Variants in MORC4 observed in about 807,000 individuals in gnomAD.
MORC4 encodes MORC family CW-type zinc finger 4.
A neutral mutation model predicts 65.5 loss-of-function variants in MORC4; 22 were observed. The ratio of observed to expected loss-of-function variants is 0.34; its 90% CI spans 0.24 to 0.48. MORC4 has a LOEUF of 0.48. Ranked by LOEUF, MORC4 falls within the 20% of genes least tolerant of loss-of-function variation. The probability of loss-of-function intolerance (pLI) is 0.99; values close to 1 mark genes in which losing one functional copy is unlikely to be tolerated. For missense variants in MORC4, 624 were observed against 703.0 expected (o/e 0.89, Z 1.27); for synonymous variants, 267 against 255.8 (o/e 1.04, Z -0.42).
intron 2 of MORC4, among the ~76,000 whole-genome samples, chrX:106,998,321 G>A (rs187444291): frequency 8.0e-5 from 9 of 112,054 alleles, no homozygotes; most frequent in Non-Finnish European, 7.5e-5. Context: ...CATACTGGAC[G>A]TCTTAGATCC....
At chrX:106,954,857 A>G in intron 14 of MORC4, 56 bp downstream of exon 14, 1 of 1,080,999 alleles carries the variant, frequency 9.3e-7, no homozygotes, top group Admixed American at 2.7e-5. Context: ...AACTTACTCT[A>G]CAGGAAAACA....
intron 5 of MORC4, 74 bp downstream of exon 5, chrX:106,985,022 T>C: frequency 1.1e-6 from 1 of 950,312 alleles, no homozygotes; most frequent in Non-Finnish European, 1.4e-6. Context: ...ATTTTAAAAG[T>C]TAAAATTAAA....
intron 14 of MORC4, among the ~76,000 whole-genome samples, chrX:106,943,687 A>T (rs1455617219): frequency 1.8e-5 from 2 of 112,532 alleles, no homozygotes; most frequent in African/African-American, 6.5e-5. Context: ...ACATTTTTTT[A>T]TATTGCAGCA....
At position 106,942,890 on chromosome X, in the gene MORC4, T is replaced by G; in HGVS notation, c.2001A>C (p.Pro667=). ...LLPEELEDQM[P]RLVAEESNRG... ...TGTTAGATTCTTCTGCCACCAATCT[T>G]GGCATCTGATCTTCTAATTCTTCAG... Residue 667 remains proline, a synonymous_variant, in exon 15 of 17, where the codon CCA becomes CCC. Transcript: ENST00000355610. 8.3e-7 allele frequency: 1 copy of G among 1,211,961 alleles called. No homozygotes were observed.
In MORC4 at chrX:106,962,034, A is replaced by C. The variant is rs1161160840; in HGVS notation, c.1234T>G (p.Ser412Ala). Reference sequence around the variant, plus strand: ...TACGGTATTGGCCTGGCTACAGTTGAGGTCTCAAAATTATCTTGAGATGTT... The same window carrying C: ...TACGGTATTGGCCTGGCTACAGTTGCGGTCTCAAAATTATCTTGAGATGTT... Reference protein sequence around the residue: ...EKTSQDNFETSTVARPIPKVP... With the variant: ...EKTSQDNFETATVARPIPKVP... The change falls in exon 10 of 17, where the codon TCA becomes GCA. Residue 412 changes from serine (S) to alanine (A), a missense_variant. By Grantham distance (99) the Ser-to-Ala change is moderately conservative (BLOSUM62 1). Transcript: ENST00000355610. The C allele has an allele frequency of 8.3e-7, 1 of 1,204,843 alleles. No homozygotes were observed. The highest frequency in any genetic ancestry group is 3.0e-5 in the East Asian group (1 of 33,745).
chrX:106,948,216 A>T (rs188094194), intron 14 of MORC4, among the ~76,000 whole-genome samples: 13 of 111,486 alleles, frequency 1.2e-4, no homozygotes, highest in African/African-American at 3.9e-4. Flanking sequence ...ATATTTACAG[A>T]GTTTGTTTCA....
intron 9 of MORC4, among the ~76,000 whole-genome samples, chrX:106,963,500 ACT>A (rs1259506086): frequency 8.9e-6 from 1 of 111,856 alleles, no homozygotes; most frequent in Admixed American, 9.5e-5. Context: ...CAAAAAGGAC[ACT>A]GTCCTCCAAA....
intron 5 of MORC4, 42 bp downstream of exon 5, chrX:106,985,054 T>A: frequency 9.6e-7 from 1 of 1,037,740 alleles, no homozygotes; most frequent in Non-Finnish European, 1.3e-6. Context: ...TTCATCATAC[T>A]ACCTTTGTTT....
At chrX:106,991,066 G>T (rs945512276) in intron 3 of MORC4, among the ~76,000 whole-genome samples, 1 of 111,277 alleles carries the variant, frequency 9.0e-6, no homozygotes, top group African/African-American at 3.3e-5. Context: ...TGGTATGATA[G>T]GGAAAATTCT....
intron 5 of MORC4, 127 bp from the exon 6 acceptor site, chrX:106,981,604 T>C: frequency 1.8e-6 from 1 of 563,563 alleles, no homozygotes; most frequent in Non-Finnish European, 2.7e-6. Context: ...TTTCCCTGAC[T>C]ACCAGTGCAA....
chrX:106,975,137 G>C (rs918882780), intron 9 of MORC4, among the ~76,000 whole-genome samples: 5 of 111,468 alleles, frequency 4.5e-5, no homozygotes, highest in African/African-American at 1.6e-4. Context: ...TAGACTTGGG[G>C]GGTTGGTGGC....
intron 3 of MORC4, among the ~76,000 whole-genome samples, chrX:106,991,351 C>A (rs780924656): frequency 4.4e-5 from 5 of 112,622 alleles, no homozygotes; most frequent in Admixed American, 9.4e-5. Flanking sequence ...TCATGTCTAT[C>A]TGGTTCACCA....
At chrX:106,942,484 C>G (rs1435574957) in intron 15 of MORC4, 31 bp downstream of exon 15, 1 of 1,156,520 alleles carries the variant, frequency 8.6e-7, no homozygotes, top group Non-Finnish European at 1.2e-6. Flanking sequence ...ACTATGGTCT[C>G]TTATTCCTAG....
At chrX:106,969,396 T>C (rs758286030) in intron 9 of MORC4, among the ~76,000 whole-genome samples, 1 of 111,631 alleles carries the variant, frequency 9.0e-6, no homozygotes, top group Admixed American at 9.5e-5. Flanking sequence ...ATCAACACCT[T>C]AACATCACAA....
At position 106,941,468 on chromosome X, in the gene MORC4, C is replaced by G; in HGVS notation, c.*11G>C. On this transcript the variant is annotated 3_prime_UTR_variant, in exon 17 of 17. Coordinates refer to ENST00000355610, the MANE Select transcript of MORC4 (RefSeq NM_024657.5). ...GAAGATAAGAGAAGAGAAGGGTATA[C>G]AGTCTGGTGCTCAATCCAGTATGTG... 1 of 1,185,222 alleles carries G rather than the reference C, an allele frequency of 8.4e-7. No individual in the cohort carries two copies. The highest frequency in any genetic ancestry group is 1.1e-6 in the Non-Finnish European group (1 of 877,717).
intron 14 of MORC4, among the ~76,000 whole-genome samples, chrX:106,946,919 G>A (rs1394919742): frequency 9.0e-6 from 1 of 111,402 alleles, no homozygotes; most frequent in Admixed American, 9.5e-5. Context: ...TGGGATTACA[G>A]GTATGAGCCA....
At chrX:106,969,991 T>A (rs780993965) in intron 9 of MORC4, among the ~76,000 whole-genome samples, 1 of 111,777 alleles carries the variant, frequency 8.9e-6, no homozygotes, top group Non-Finnish European at 1.9e-5. Flanking sequence ...GCCAGCATCA[T>A]CCTGATACCA....
intron 4 of MORC4, 122 bp downstream of exon 4, chrX:106,985,861 A>G (rs769736973): frequency 3.7e-6 from 2 of 534,604 alleles, no homozygotes; most frequent in East Asian, 6.8e-5. Context: ...AGTTAAATTT[A>G]AGACATTTGA....
chrX:106,990,651 C>G (rs1934963223), intron 3 of MORC4, among the ~76,000 whole-genome samples: 1 of 112,341 alleles, frequency 8.9e-6, no homozygotes, highest in Non-Finnish European at 1.9e-5. Flanking sequence ...GCGGGCTGAT[C>G]ACTTCGGGTC....
Sources: gnomAD v4.1 joint callset for allele counts (sites outside exome capture counted in the v4.1 genomes callset) on GRCh38, gnomAD v4.1.1 for gene constraint, MANE v1.5 for transcripts, NCBI Gene and HGNC (gene_info 2026-07-23, HGNC 2026-07-21) for gene names.